Variants in MAP3K13 observed in about 807,000 individuals in gnomAD.
MAP3K13 encodes mitogen-activated protein kinase kinase kinase 13, also known as leucine zipper-bearing kinase.
In MAP3K13, 52 loss-of-function variants were observed where a neutral mutation model predicts 104.0. That is an observed-to-expected ratio of 0.50 (90% CI 0.40 to 0.63). MAP3K13 has a LOEUF of 0.63. Among genes scored for constraint, MAP3K13 ranks in the 20% least tolerant of loss-of-function variants. The pLI, the probability that MAP3K13 is intolerant of heterozygous loss-of-function variation, is 0.00. For synonymous variants in MAP3K13, 394 were observed against 442.2 expected, an observed-to-expected ratio of 0.89 and a Z score of 1.37; for missense variants, 914 against 1,218.5, an observed-to-expected ratio of 0.75 and a Z score of 3.72.
intron 2 of MAP3K13, among the ~76,000 whole-genome samples, chr3:185,326,088 G>A (rs989874098): frequency 6.6e-6 from 1 of 152,062 alleles, no homozygotes; most frequent in South Asian, 2.1e-4. Context: ...CAGTCACCCT[G>A]TTCTCTTATC....
At chr3:185,441,939 G>T (rs1219717518) in intron 3 of MAP3K13, among the ~76,000 whole-genome samples, 1 of 151,986 alleles carries the variant, frequency 6.6e-6, no homozygotes, top group African/African-American at 2.4e-5. Context: ...TACCCGGGAG[G>T]CTGAGACAGG....
intron 2 of MAP3K13, chr3:185,293,057 A>G (rs1043361035): frequency 1.9e-4 from 191 of 984,472 alleles, no homozygotes; most frequent in Non-Finnish European, 2.2e-4. Flanking sequence ...ATTAAATAAA[A>G]TGTACTTTTT....
At chr3:185,437,861 G>A (rs1452039169) in intron 3 of MAP3K13, among the ~76,000 whole-genome samples, 1 of 152,118 alleles carries the variant, frequency 6.6e-6, no homozygotes, top group Non-Finnish European at 1.5e-5. Context: ...GGAAGTACAT[G>A]GAAGGGGCAT....
intron 12 of MAP3K13, among the ~76,000 whole-genome samples, chr3:185,478,213 A>G (rs892957233): frequency 6.6e-6 from 1 of 152,196 alleles, no homozygotes; most frequent in Non-Finnish European, 1.5e-5. Context: ...CTAGGAGTCA[A>G]TAAGGGCCAT....
At chr3:185,400,289 A>T (rs1056299495) in intron 1 of MAP3K13, among the ~76,000 whole-genome samples, 1 of 151,856 alleles carries the variant, frequency 6.6e-6, no homozygotes, top group Non-Finnish European at 1.5e-5. Flanking sequence ...TATTCTCCAT[A>T]CCCCTTCCCT....
Position 185,450,917 on chromosome 3 carries a change from G to A in MAP3K13, c.1170-370G>A, listed in dbSNP as rs1364825905. On this transcript the variant is annotated intron_variant, in intron 6 of 13. Coordinates refer to ENST00000265026, the MANE Select transcript of MAP3K13 (RefSeq NM_004721.5). The surrounding 1 kb of genome is among the most constrained non-coding windows in gnomAD (Gnocchi z 4.2). ...ATCCTGGTTAACACGATGAAACCCC[G>A]TCTCTACTAAAAATACAAAAAAATT... is the stretch of plus-strand genomic sequence containing the variant. Among the ~76,000 whole-genome samples, 2 of 152,092 alleles carry A rather than the reference G, an allele frequency of 1.3e-5. No individual in the cohort carries two copies. Among genetic ancestry groups the A allele is most frequent in the African/African-American group, 4.8e-5 (2 of 41,422 alleles).
intron 1 of MAP3K13, among the ~76,000 whole-genome samples, chr3:185,421,463 G>A (rs1714124742): frequency 6.6e-6 from 1 of 152,122 alleles, no homozygotes; most frequent in Non-Finnish European, 1.5e-5. Context: ...CTCCCAAAGT[G>A]CTGGGATTAC....
intron 1 of MAP3K13, among the ~76,000 whole-genome samples, chr3:185,284,228 A>G (rs1377902350): frequency 6.6e-6 from 1 of 152,196 alleles, no homozygotes; most frequent in Non-Finnish European, 1.5e-5. Context: ...CACTAAAAAT[A>G]TGTTATAATT....
chr3:185,479,661 CCTT>C (rs1001440716), intron 12 of MAP3K13, among the ~76,000 whole-genome samples: 1 of 152,164 alleles, frequency 6.6e-6, no homozygotes, highest in African/African-American at 2.4e-5. Context: ...ATTAAAATTT[CCTT>C]CTTGTGTTAG....
intron 4 of MAP3K13, among the ~76,000 whole-genome samples, chr3:185,444,835 T>C (rs1715510411): frequency 6.6e-6 from 1 of 151,842 alleles, no homozygotes; most frequent in African/African-American, 2.4e-5. Context: ...ATTTAAAAAT[T>C]AGCCAGGCAT....
intron 12 of MAP3K13, among the ~76,000 whole-genome samples, chr3:185,479,448 A>G (rs1165576118): frequency 1.3e-5 from 2 of 152,338 alleles, no homozygotes; most frequent in East Asian, 3.9e-4. Flanking sequence ...GAGTTAGTCC[A>G]GAGATTCTCC....
intron 3 of MAP3K13, among the ~76,000 whole-genome samples, chr3:185,442,077 A>G (rs1206058793): frequency 6.6e-6 from 1 of 150,882 alleles, no homozygotes; most frequent in Non-Finnish European, 1.5e-5. Context: ...GTGGTGGTGC[A>G]CACCTGTAAT....
At chr3:185,313,272 T>C (rs1315633045) in intron 2 of MAP3K13, among the ~76,000 whole-genome samples, 1 of 121,682 alleles carries the variant, frequency 8.2e-6, no homozygotes, top group Non-Finnish European at 1.7e-5. Flanking sequence ...AGTACAAGTT[T>C]TTTTTTTTTT....
rs765725322 is a variant in MAP3K13, at chr3:185,466,865, C to A, written c.1545C>A (p.Tyr515Ter). The part of the protein sequence containing the change: ...QAVEKKYPGT[Y>*]KRHPVRPIIH... ...TGGAAAAGAAGTATCCTGGGACCTA[C>A]AAACGACACCCTGTTCGTCCTATCA... The change falls in exon 10 of 14, where the codon TAC (tyrosine) becomes TAA (stop). Residue 515 changes from tyrosine (Y) to a stop codon, truncating the protein, a stop_gained. Transcript: ENST00000265026. LOFTEE classifies it high-confidence loss of function. 6.2e-7 allele frequency: 1 copy of A among 1,613,972 alleles called. No homozygotes were observed. The highest frequency in any genetic ancestry group is 1.1e-5 in the South Asian group (1 of 91,070).
intron 1 of MAP3K13, among the ~76,000 whole-genome samples, chr3:185,380,509 C>CAAA (rs564011110): frequency 7.1e-4 from 61 of 85,604 alleles, no homozygotes; most frequent in Middle Eastern, 7.9e-3. Flanking sequence ...GACTCCATCT[C>CAAA]AAAAAAAAAA....
In MAP3K13 at chr3:185,428,548, G is replaced by A; in HGVS notation, c.-34G>A. On this transcript the variant is annotated 5_prime_UTR_variant, in exon 2 of 14. Transcript: ENST00000265026. ...ACTCTGTCCCAAAAATCTTCTGAGT[G>A]TCATCTCAGGACTTTGGTTATACTC... is the stretch of plus-strand genomic sequence containing the variant. 1 of 1,524,130 alleles carries A rather than the reference G, an allele frequency of 6.6e-7. No individual in the cohort carries two copies. Among genetic ancestry groups the A allele is most frequent in the South Asian group, 1.3e-5 (1 of 75,688 alleles). 94.4% of individuals were successfully genotyped at this position (1,524,130 alleles called of 1,614,324 possible).
intron 1 of MAP3K13, among the ~76,000 whole-genome samples, chr3:185,381,082 C>G (rs1168378716): frequency 6.6e-6 from 1 of 152,050 alleles, no homozygotes; most frequent in Non-Finnish European, 1.5e-5. Flanking sequence ...CCTGCCTCAG[C>G]CTCCCCAGTA....
At chr3:185,346,142 A>G (rs1722914072) in intron 2 of MAP3K13, among the ~76,000 whole-genome samples, 1 of 152,214 alleles carries the variant, frequency 6.6e-6, no homozygotes, top group Non-Finnish European at 1.5e-5. Flanking sequence ...GAAATTTTGT[A>G]TCCTTTGACC....
intron 5 of MAP3K13, 68 bp downstream of exon 5, chr3:185,448,015 T>G (rs1715687178): frequency 2.0e-6 from 3 of 1,470,484 alleles, no homozygotes; most frequent in Non-Finnish European, 2.8e-6. Flanking sequence ...AGCACTGTCT[T>G]CCTTCAGCAC....
Sources: gnomAD v4.1 joint callset for allele counts (sites outside exome capture counted in the v4.1 genomes callset) on GRCh38, gnomAD v4.1.1 for gene constraint, Gnocchi (gnomAD v3.1) non-coding constraint, MANE v1.5 for transcripts, NCBI Gene and HGNC (gene_info 2026-07-23, HGNC 2026-07-21) for gene names.